The following RAB22A variants were observed in gnomAD, a reference collection of about 807,000 sequenced individuals.
The protein encoded by RAB22A is RAB22A, member RAS oncogene family.
Under a neutral mutation model 30.2 loss-of-function variants are expected in RAB22A, and 13 were observed. The observed-to-expected ratio is 0.43, with a 90% CI of 0.28 to 0.68. The LOEUF is 0.68. Ranked by LOEUF, RAB22A falls within the 30% of genes least tolerant of loss-of-function variation. The pLI is 0.18. For synonymous variants in RAB22A, 89 were observed against 87.2 expected (o/e 1.02, Z -0.11); for missense variants, 177 against 246.8 (o/e 0.72, Z 1.89).
At position 58,361,377 on chromosome 20, in the gene RAB22A, C is replaced by T. The variant is rs1315585805; in HGVS notation, c.*1674C>T. 6.6e-6 allele frequency: 1 copy of T among 152,260 alleles called. No homozygotes were observed. Among genetic ancestry groups the T allele is most frequent in the Non-Finnish European group, 1.5e-5 (1 of 68,006 alleles). 9.4% of individuals were successfully genotyped at this position (152,260 alleles called of 1,614,324 possible). ...ATTCAGATTAAATAAAAAACAATTCCCTTTTCCCTGTTGTATATCTTAAGC... is the reference window on the plus strand; with the variant it reads ...ATTCAGATTAAATAAAAAACAATTCTCTTTTCCCTGTTGTATATCTTAAGC... On this transcript the variant is annotated 3_prime_UTR_variant, in exon 7 of 7. Coordinates refer to ENST00000244040, the MANE Select transcript of RAB22A (RefSeq NM_020673.3).
intron 2 of RAB22A, among the ~76,000 whole-genome samples, chr20:58,319,752 C>A (rs185253352): frequency 2.5e-4 from 38 of 152,250 alleles, no homozygotes; most frequent in Admixed American, 1.9e-3. Context: ...AATTTGATGG[C>A]TGTCTCTAGG....
chr20:58,311,260 T>A, intron 2 of RAB22A, 138 bp downstream of exon 2: 1 of 821,372 alleles, frequency 1.2e-6, no homozygotes, highest in Non-Finnish European at 2.1e-6. Context: ...CTGGAAGGAC[T>A]TGAAAGAGTC....
intron 5 of RAB22A, 66 bp downstream of exon 5, chr20:58,353,604 A>G (rs1293452859): frequency 1.6e-6 from 2 of 1,286,396 alleles, no homozygotes; most frequent in Non-Finnish European, 2.2e-6. Flanking sequence ...AGCAATATCC[A>G]GTTTAAGAAT....
At chr20:58,357,532 A>G (rs1987151729) in intron 6 of RAB22A, among the ~76,000 whole-genome samples, 1 of 152,136 alleles carries the variant, frequency 6.6e-6, no homozygotes, top group Non-Finnish European at 1.5e-5. Flanking sequence ...TTTAGAAATC[A>G]TTACCTGTTC....
At chr20:58,355,944 C>CT (rs1379346186) in intron 6 of RAB22A, among the ~76,000 whole-genome samples, 19 of 152,160 alleles carry the variant, frequency 1.2e-4, no homozygotes, top group African/African-American at 3.6e-4. Flanking sequence ...GCTAAAATGT[C>CT]TAAGTGTGTG....
chr20:58,361,196 T>G lies in RAB22A; in HGVS notation c.*1493T>G, dbSNP rs1009855825. ...ACCTGAGTATTGTAGGGGAAGGAAA[T>G]TTACAAGATTTAATAGGAAATGAAA... On this transcript the variant is annotated 3_prime_UTR_variant, in exon 7 of 7. Coordinates refer to ENST00000244040, the MANE Select transcript of RAB22A (RefSeq NM_020673.3). 2 of 152,542 alleles carry G rather than the reference T, an allele frequency of 1.3e-5. No individual in the cohort carries two copies. Among genetic ancestry groups the G allele is most frequent in the African/African-American group, 4.8e-5 (2 of 41,436 alleles). The allele number at this position is 152,542 out of a possible 1,614,324, so 9.4% of individuals were successfully genotyped here.
intron 2 of RAB22A, among the ~76,000 whole-genome samples, chr20:58,336,304 G>A (rs116644562): frequency 7.3e-5 from 11 of 150,684 alleles, no homozygotes; most frequent in Admixed American, 6.1e-4. Context: ...GAGCCACGGC[G>A]CCCGGCCGCT....
At chr20:58,326,661 C>A (rs902399840) in intron 2 of RAB22A, among the ~76,000 whole-genome samples, 1 of 152,082 alleles carries the variant, frequency 6.6e-6, no homozygotes, top group Non-Finnish European at 1.5e-5. Flanking sequence ...CATAGGTTTT[C>A]ATTTCCTTTG....
At chr20:58,310,154 G>C (rs1986193017) in intron 1 of RAB22A, 142 bp downstream of exon 1, 2 of 867,724 alleles carry the variant, frequency 2.3e-6, no homozygotes, top group South Asian at 6.0e-5. Flanking sequence ...CCTCCAGCTC[G>C]GGAGCCGTCC....
chr20:58,323,146 CAG>C (rs1738438681), intron 2 of RAB22A, among the ~76,000 whole-genome samples: 1 of 152,006 alleles, frequency 6.6e-6, no homozygotes, highest in South Asian at 2.1e-4. Context: ...GAGTTTCTCT[CAG>C]TGTTTTTTTT....
rs536800384 is a variant in RAB22A at position 58,364,050 on chromosome 20, C to T, written c.*4347C>T. 6.6e-6 allele frequency: 1 copy of T among 152,568 alleles called. No homozygotes were observed. The highest frequency in any genetic ancestry group is 1.5e-5 in the Non-Finnish European group (1 of 68,016). The allele number at this position is 152,568 out of a possible 1,614,324, so 9.5% of individuals were successfully genotyped here. ...ATTTGCAAGAAACTTTAATGGAATT[C>T]TGGGGCATTTGTCCTGTTTTATGTG... is the stretch of plus-strand genomic sequence containing the variant. On this transcript the variant is annotated 3_prime_UTR_variant, in exon 7 of 7. Coordinates refer to ENST00000244040, the MANE Select transcript of RAB22A (RefSeq NM_020673.3).
At chr20:58,333,018 C>T (rs1336621161) in intron 2 of RAB22A, among the ~76,000 whole-genome samples, 2 of 152,008 alleles carry the variant, frequency 1.3e-5, no homozygotes, top group Non-Finnish European at 1.5e-5. Context: ...GTGGCTCACA[C>T]CTGTGATCCC....
chr20:58,314,779 T>C (rs1487114406), intron 2 of RAB22A, among the ~76,000 whole-genome samples: 2 of 151,682 alleles, frequency 1.3e-5, no homozygotes. Context: ...AGGCGGAGTT[T>C]GCAGTGAGCC....
At position 58,364,789 on chromosome 20, in the gene RAB22A, TG is replaced by T. The variant is rs1349137828; in HGVS notation, c.*5087del. 19 of 151,778 alleles carry T rather than the reference TG, an allele frequency of 1.3e-4. No individual in the cohort carries two copies. In the East Asian group the frequency reaches 3.7e-3, roughly 29 times the overall value. The allele number at this position is 151,778 out of a possible 1,614,324, so 9.4% of individuals were successfully genotyped here. A position where few individuals can be genotyped will look rare whatever the true frequency, so the allele number is the denominator to read the frequency against. The stretch of plus-strand genomic sequence containing the variant: ...TCTCACTCTGTCGCCCAGGCTGGTA[TG>T]CAGTGGCGCGATCTCAGCTCACTGC... On this transcript the variant is annotated 3_prime_UTR_variant, in exon 7 of 7. Coordinates refer to ENST00000244040, the MANE Select transcript of RAB22A (RefSeq NM_020673.3).
At position 58,362,479 on chromosome 20, in the gene RAB22A, C is replaced by G. The variant is rs945328579; in HGVS notation, c.*2776C>G. 9 of 152,170 alleles carry G rather than the reference C, an allele frequency of 5.9e-5. No homozygotes were observed. Among genetic ancestry groups the G allele is most frequent in the Non-Finnish European group, 1.3e-4 (9 of 68,036 alleles). The allele number at this position is 152,170 out of a possible 1,614,324, so 9.4% of individuals were successfully genotyped here. On this transcript the variant is annotated 3_prime_UTR_variant, in exon 7 of 7. Coordinates refer to ENST00000244040, the MANE Select transcript of RAB22A (RefSeq NM_020673.3). The stretch of plus-strand genomic sequence containing the variant: ...ACGATACAGGGCCATTTTTTTAAAA[C>G]TCTCAGGACTGAACAGAAGAGAAAA...
intron 2 of RAB22A, among the ~76,000 whole-genome samples, chr20:58,334,512 C>CT (rs1196681350): frequency 1.4e-5 from 2 of 147,070 alleles, no homozygotes; most frequent in Admixed American, 1.4e-4. Context: ...TTTTTTTTTT[C>CT]TTTTTTTTAA....
Position 58,344,402 on chromosome 20 carries a change from G to A in RAB22A, c.198+603G>A, listed in dbSNP as rs115180615. On this transcript the variant is annotated intron_variant, in intron 3 of 6. Coordinates refer to ENST00000244040, the MANE Select transcript of RAB22A (RefSeq NM_020673.3). ...AAGCCCACCCAAATCAGAAAGGGCC[G>A]GGAAGGCAGGGATGGGGACAAACAC... 9.2e-3 allele frequency among the ~76,000 whole-genome samples: 1,405 copies of A among 152,258 alleles called. 22 individuals are homozygous for A. Among genetic ancestry groups the A allele is most frequent in the Middle Eastern group, 0.031 (9 of 294 alleles).
intron 2 of RAB22A, among the ~76,000 whole-genome samples, chr20:58,341,391 G>A (rs1410247533): frequency 6.6e-6 from 1 of 152,110 alleles, no homozygotes; most frequent in Non-Finnish European, 1.5e-5. Flanking sequence ...CAACCATTGG[G>A]TAGAGGAAGC....
At chr20:58,319,461 T>C (rs1287559601) in intron 2 of RAB22A, among the ~76,000 whole-genome samples, 1 of 152,232 alleles carries the variant, frequency 6.6e-6, no homozygotes, top group East Asian at 1.9e-4. Flanking sequence ...TTGCTGTAGA[T>C]GTATAGAAAG....
Sources: allele counts gnomAD v4.1 joint callset (sites outside exome capture counted in the v4.1 genomes callset), GRCh38; gene constraint gnomAD v4.1.1; transcripts MANE v1.5; gene names NCBI Gene and HGNC (gene_info 2026-07-23, HGNC 2026-07-21).